The following SPIN1 variants were observed in gnomAD, a reference collection of about 807,000 sequenced individuals.
SPIN1 encodes the protein spindlin-1.
Under a neutral mutation model 26.0 loss-of-function variants are expected in SPIN1, and 3 were observed. The observed-to-expected ratio is 0.12, with a 90% CI of 0.05 to 0.30. The LOEUF is 0.30. Ranked by LOEUF, SPIN1 falls within the 10% of genes least tolerant of loss-of-function variation. SPIN1 has a pLI of 1.00. For missense variants in SPIN1, 126 were observed against 333.4 expected (o/e 0.38, Z 4.84); for synonymous variants, 101 against 116.5 (o/e 0.87, Z 0.86).
rs761985207 is a variant in SPIN1 at position 88,450,257 on chromosome 9, T to A, written c.101+1268T>A. ...AATAAAAACAAATGTAAGCCATAAA[T>A]ATTAGGTAATGATGAAAAACTTAAA... On this transcript the variant is annotated intron_variant, in intron 3 of 5. Transcript: ENST00000375859. Among the ~76,000 whole-genome samples, 125 of 152,160 alleles carry A rather than the reference T, an allele frequency of 8.2e-4. 1 individual carries two copies. Among genetic ancestry groups the A allele is most frequent in the Non-Finnish European group, 3.1e-4 (21 of 68,028 alleles).
At chr9:88,388,847 C>T (rs1826849360) in intron 1 of SPIN1, among the ~76,000 whole-genome samples, 1 of 150,886 alleles carries the variant, frequency 6.6e-6, no homozygotes, top group East Asian at 2.0e-4. Flanking sequence ...GTTCCCCGGC[C>T]GCCGCCGGCC....
intron 3 of SPIN1, among the ~76,000 whole-genome samples, chr9:88,460,918 C>G (rs1479673284): frequency 1.3e-5 from 2 of 152,204 alleles, no homozygotes; most frequent in African/African-American, 4.8e-5. Flanking sequence ...CTGTCATTTG[C>G]TCAGTGTTAG....
At chr9:88,391,385 CATG>C (rs1438433602) in intron 1 of SPIN1, 1 of 172,790 alleles carries the variant, frequency 5.8e-6, no homozygotes, top group Non-Finnish European at 1.3e-5. Flanking sequence ...GGCTTGGTGT[CATG>C]ATTCCCTGTT....
intron 5 of SPIN1, among the ~76,000 whole-genome samples, chr9:88,473,694 CAGT>C (rs1587819667): frequency 1.3e-5 from 2 of 151,778 alleles, no homozygotes; most frequent in Non-Finnish European, 2.9e-5. Flanking sequence ...CCTTTAGAAA[CAGT>C]GGTGATGCTC....
intron 2 of SPIN1, among the ~76,000 whole-genome samples, chr9:88,437,090 T>C (rs1302050945): frequency 6.6e-6 from 1 of 152,136 alleles, no homozygotes; most frequent in Non-Finnish European, 1.5e-5. Flanking sequence ...TATGGCTTGA[T>C]AGTTCATTTC....
intron 1 of SPIN1, among the ~76,000 whole-genome samples, chr9:88,400,661 C>T (rs924186605): frequency 2.0e-5 from 3 of 152,162 alleles, no homozygotes; most frequent in African/African-American, 7.2e-5. Flanking sequence ...GCCTGGCCAA[C>T]ATGGCGATAC....
chr9:88,400,498 G>A (rs1168543751), intron 1 of SPIN1, among the ~76,000 whole-genome samples: 2 of 152,142 alleles, frequency 1.3e-5, no homozygotes, highest in African/African-American at 4.8e-5. Flanking sequence ...GCCTCGGTTA[G>A]ATTTTTTCTG....
chr9:88,418,483 C>T (rs1388407954), intron 1 of SPIN1, among the ~76,000 whole-genome samples: 1 of 152,162 alleles, frequency 6.6e-6, no homozygotes, highest in Non-Finnish European at 1.5e-5. Context: ...ACATGTTTCA[C>T]TATTAGTACT....
intron 2 of SPIN1, among the ~76,000 whole-genome samples, chr9:88,441,135 T>C (rs1193667335): frequency 6.6e-6 from 1 of 151,856 alleles, no homozygotes; most frequent in Admixed American, 6.6e-5. Context: ...ATTATTGTCA[T>C]TTTTTTCTAA....
At chr9:88,471,222 TCTTA>T (rs1299851217) in intron 5 of SPIN1, among the ~76,000 whole-genome samples, 1 of 152,288 alleles carries the variant, frequency 6.6e-6, no homozygotes, top group East Asian at 1.9e-4. Context: ...TAATTATAGC[TCTTA>T]CTTAGAGATC....
chr9:88,389,082 C>T (rs1389699686), intron 1 of SPIN1, among the ~76,000 whole-genome samples: 5 of 152,066 alleles, frequency 3.3e-5, no homozygotes, highest in African/African-American at 7.2e-5. Context: ...CTGGGGCCAC[C>T]CCTCCCAGGC....
chr9:88,449,254 T>A (rs1828311526), intron 3 of SPIN1, among the ~76,000 whole-genome samples: 1 of 151,954 alleles, frequency 6.6e-6, no homozygotes, highest in African/African-American at 2.4e-5. Context: ...TTATGGTAAG[T>A]GTGGCAGGTG....
Position 88,430,538 on chromosome 9 carries a change from G to A in SPIN1, c.52+3947G>A, listed in dbSNP as rs942076475. Among the ~76,000 whole-genome samples the A allele has an allele frequency of 5.3e-5, 8 of 152,320 alleles. No homozygotes were observed. In the South Asian group the frequency reaches 1.7e-3, roughly 32 times the overall value. ...GCTATGTTTTAAAACTGCTACAGTG[G>A]TAAATAGATTGGGTAGGCAACTTCC... On this transcript the variant is annotated intron_variant, in intron 2 of 5. Transcript: ENST00000375859.
chr9:88,402,043 T>C (rs1827198125), intron 1 of SPIN1, among the ~76,000 whole-genome samples: 1 of 152,148 alleles, frequency 6.6e-6, no homozygotes, highest in Non-Finnish European at 1.5e-5. Flanking sequence ...CAGGCTGGAG[T>C]GCGGCGGTGC....
intron 2 of SPIN1, among the ~76,000 whole-genome samples, chr9:88,441,412 T>C (rs867727126): frequency 3.7e-4 from 54 of 144,562 alleles, no homozygotes; most frequent in Non-Finnish European, 6.4e-4. Flanking sequence ...TGTGTGTGTG[T>C]GTGCGCGCGC....
chr9:88,461,825 G>A (rs888389032), intron 3 of SPIN1, among the ~76,000 whole-genome samples: 7 of 152,020 alleles, frequency 4.6e-5, no homozygotes, highest in Admixed American at 4.6e-4. Context: ...CTAATAATAA[G>A]CCAGAAAAAA....
At chr9:88,473,167 C>A (rs534128169) in intron 5 of SPIN1, among the ~76,000 whole-genome samples, 1 of 152,106 alleles carries the variant, frequency 6.6e-6, no homozygotes, top group East Asian at 1.9e-4. Flanking sequence ...CCGAGGCGGG[C>A]GGATCACCTG....
At chr9:88,434,333 A>T (rs28634231) in intron 2 of SPIN1, among the ~76,000 whole-genome samples, 32 of 117,748 alleles carry the variant, frequency 2.7e-4, no homozygotes, top group African/African-American at 1.1e-3. Context: ...TATTTTACAA[A>T]TTATAAAATA....
intron 3 of SPIN1, among the ~76,000 whole-genome samples, chr9:88,450,037 A>T (rs1183625901): frequency 6.6e-6 from 1 of 152,222 alleles, no homozygotes; most frequent in Non-Finnish European, 1.5e-5. Flanking sequence ...ATTTAGCTTA[A>T]GAAACTACCT....
Sources: allele counts gnomAD v4.1 joint callset (sites outside exome capture counted in the v4.1 genomes callset), GRCh38; gene constraint gnomAD v4.1.1; transcripts MANE v1.5; gene names NCBI Gene and HGNC (gene_info 2026-07-23, HGNC 2026-07-21).